Variants in HYCC2 observed in about 807,000 individuals in gnomAD.
HYCC2 encodes the protein hyccin 2.
the HYCC2 span, among the ~76,000 whole-genome samples, chr2:200,990,816 C>T: frequency 6.6e-6 from 1 of 152,090 alleles, no homozygotes; most frequent in African/African-American, 2.4e-5. Flanking sequence ...CGTGATACAC[C>T]CGCCTCGGCC....
At chr2:200,987,597 C>A in the HYCC2 span, 16 of 1,214,558 alleles carry the variant, frequency 1.3e-5, no homozygotes, top group Non-Finnish European at 1.7e-5. Context: ...AGCATTTTGA[C>A]CCAGGCAGAT....
chr2:200,992,174 C>T, the HYCC2 span: 2 of 734,376 alleles, frequency 2.7e-6, no homozygotes, highest in African/African-American at 3.6e-5. Flanking sequence ...CAACTGTTAT[C>T]ATGGAATACA....
chr2:201,011,501 G>T, the HYCC2 span: 2 of 1,240,468 alleles, frequency 1.6e-6, no homozygotes, highest in South Asian at 1.5e-5. Flanking sequence ...CAAAGATAAT[G>T]AAATAATCAC....
the HYCC2 span, among the ~76,000 whole-genome samples, chr2:201,012,952 T>TACACACAC: frequency 0.011 from 1,561 of 146,404 alleles, 15 homozygotes; most frequent in Non-Finnish European, 0.016. Context: ...TTTCAAAAAA[T>TACACACAC]ACACACACAC....
At chr2:201,041,910 G>C in the HYCC2 span, among the ~76,000 whole-genome samples, 1 of 152,042 alleles carries the variant, frequency 6.6e-6, no homozygotes, top group Non-Finnish European at 1.5e-5. Flanking sequence ...ATATATTTTA[G>C]TACCTTCATT....
the HYCC2 span, among the ~76,000 whole-genome samples, chr2:200,997,804 G>A: frequency 1.3e-4 from 20 of 152,176 alleles, no homozygotes; most frequent in Non-Finnish European, 2.5e-4. Flanking sequence ...TTGGGAGGCC[G>A]AAGTGGGTGG....
chr2:201,036,469 A>G, the HYCC2 span, among the ~76,000 whole-genome samples: 1 of 152,190 alleles, frequency 6.6e-6, no homozygotes, highest in Non-Finnish European at 1.5e-5. Flanking sequence ...AATATCCCTG[A>G]TGTGAACATC....
At chr2:201,033,564 C>T in the HYCC2 span, among the ~76,000 whole-genome samples, 11 of 151,792 alleles carry the variant, frequency 7.2e-5, no homozygotes, top group Non-Finnish European at 1.6e-4. Context: ...CCACCACGCC[C>T]GGCTAATTTT....
At chr2:201,003,089 T>C in the HYCC2 span, among the ~76,000 whole-genome samples, 4 of 152,146 alleles carry the variant, frequency 2.6e-5, no homozygotes, top group Admixed American at 2.0e-4. Context: ...TTTTAAGAGA[T>C]TGGGTCTCGC....
chr2:200,998,769 G>A, the HYCC2 span, among the ~76,000 whole-genome samples: 1 of 152,308 alleles, frequency 6.6e-6, no homozygotes, highest in South Asian at 2.1e-4. Context: ...AGGAACTAGG[G>A]AAGTTGTACC....
chr2:201,068,670 A>T, the HYCC2 span, among the ~76,000 whole-genome samples: 88 of 152,166 alleles, frequency 5.8e-4, no homozygotes, highest in Non-Finnish European at 8.8e-5. Context: ...TTAGGTCCAA[A>T]CTTTTTCAAA....
chr2:201,068,955 C>CA, the HYCC2 span, among the ~76,000 whole-genome samples: 1 of 151,766 alleles, frequency 6.6e-6, no homozygotes, highest in South Asian at 2.1e-4. Context: ...CGATGACAGA[C>CA]AAAAAAATCT....
At chr2:200,989,407 G>T in the HYCC2 span, among the ~76,000 whole-genome samples, 2 of 152,092 alleles carry the variant, frequency 1.3e-5, no homozygotes, top group Non-Finnish European at 2.9e-5. Context: ...ATAACTCTTA[G>T]GGTAAGATTA....
the HYCC2 span, among the ~76,000 whole-genome samples, chr2:201,051,015 C>A: frequency 6.6e-6 from 1 of 152,110 alleles, no homozygotes; most frequent in Non-Finnish European, 1.5e-5. Context: ...GAAAATCACA[C>A]ACTAATTTCT....
At chr2:201,039,348 C>T in the HYCC2 span, among the ~76,000 whole-genome samples, 1 of 152,216 alleles carries the variant, frequency 6.6e-6, no homozygotes, top group African/African-American at 2.4e-5. Flanking sequence ...TCAGCACTGA[C>T]AGTGTTATTT....
chr2:201,032,822 A>G, the HYCC2 span, among the ~76,000 whole-genome samples: 2 of 152,050 alleles, frequency 1.3e-5, no homozygotes, highest in African/African-American at 2.4e-5. Flanking sequence ...ACGCCTGGCT[A>G]ATTTTTTATA....
chr2:201,049,429 A>C, the HYCC2 span, among the ~76,000 whole-genome samples: 2 of 151,602 alleles, frequency 1.3e-5, no homozygotes, highest in African/African-American at 2.4e-5. Context: ...GGCTCACTGC[A>C]ACCTCCGCCT....
the HYCC2 span, chr2:200,992,238 TAG>T: frequency 8.6e-7 from 1 of 1,167,616 alleles, no homozygotes; most frequent in Non-Finnish European, 1.3e-6. Flanking sequence ...GTACCTTTTT[TAG>T]GTACCAGTAT....
At chr2:201,045,114 C>G in the HYCC2 span, among the ~76,000 whole-genome samples, 3 of 152,100 alleles carry the variant, frequency 2.0e-5, no homozygotes, top group Non-Finnish European at 4.4e-5. Flanking sequence ...AAGGCAAAGC[C>G]CAGAGCTGCA....
Sources: gnomAD v4.1 joint callset for allele counts (sites outside exome capture counted in the v4.1 genomes callset) on GRCh38, gnomAD v4.1.1 for gene constraint, MANE v1.5 for transcripts, NCBI Gene and HGNC (gene_info 2026-07-23, HGNC 2026-07-21) for gene names.